The following HSPH1 variants were observed in gnomAD, a reference collection of about 807,000 sequenced individuals.
The protein encoded by HSPH1 is heat shock protein family H (Hsp110) member 1, also known as heat shock protein 105 kDa.
Under a neutral mutation model 100.0 loss-of-function variants are expected in HSPH1, and 40 were observed. The observed-to-expected ratio is 0.40, with a 90% CI of 0.31 to 0.52. The LOEUF (loss-of-function observed/expected upper bound fraction) is 0.52. HSPH1 is among the 20% of genes least tolerant of loss of function. The probability of loss-of-function intolerance (pLI) is 0.54; values close to 1 mark genes in which losing one functional copy is unlikely to be tolerated. For missense variants in HSPH1, 876 were observed against 1,015.1 expected, an observed-to-expected ratio of 0.86 and a Z score of 1.86; for synonymous variants, 403 against 344.0, an observed-to-expected ratio of 1.17 and a Z score of -1.90.
chr13:31,156,750 T>C (rs1157079128), intron 2 of HSPH1, among the ~76,000 whole-genome samples: 2 of 152,210 alleles, frequency 1.3e-5, no homozygotes, highest in Non-Finnish European at 2.9e-5. Context: ...TGACCTAATG[T>C]TTTCAACTGC....
chr13:31,158,657 G>T, intron 2 of HSPH1, 149 bp downstream of exon 2: 1 of 529,914 alleles, frequency 1.9e-6, no homozygotes, highest in Non-Finnish European at 3.5e-6. Flanking sequence ...GTCATCATCT[G>T]AAGGTTCATA....
chr13:31,141,020 G>T, intron 13 of HSPH1, 102 bp downstream of exon 13: 2 of 687,224 alleles, frequency 2.9e-6, no homozygotes, highest in African/African-American at 1.9e-5. Flanking sequence ...ATAAAACTTG[G>T]GATGAGAAAG....
chr13:31,150,829 C>G, intron 7 of HSPH1, 118 bp downstream of exon 7: 2 of 983,856 alleles, frequency 2.0e-6, no homozygotes, highest in Non-Finnish European at 3.0e-6. Flanking sequence ...CAGCCACAGG[C>G]ATGTAACACA....
intron 2 of HSPH1, 45 bp from the exon 3 acceptor site, chr13:31,155,699 C>T: frequency 6.7e-7 from 1 of 1,484,238 alleles, no homozygotes; most frequent in Admixed American, 1.9e-5. Flanking sequence ...TTTAATTTCA[C>T]CACCTACCAG....
intron 1 of HSPH1, 140 bp downstream of exon 1, chr13:31,161,336 C>T (rs1956901380): frequency 7.0e-7 from 1 of 1,434,352 alleles, no homozygotes; most frequent in Non-Finnish European, 9.3e-7. Context: ...GGTCGCTGGT[C>T]CCTAGTTCCA....
intron 1 of HSPH1, among the ~76,000 whole-genome samples, chr13:31,160,486 T>A (rs895165678): frequency 1.3e-5 from 2 of 152,250 alleles, no homozygotes; most frequent in African/African-American, 4.8e-5. Context: ...CTTGGGACAT[T>A]TGAAAAAAAT....
At chr13:31,148,292 G>T in intron 9 of HSPH1, 82 bp downstream of exon 9, 3 of 1,018,886 alleles carry the variant, frequency 2.9e-6, no homozygotes, top group Non-Finnish European at 4.5e-6. Context: ...GAAGTCATTT[G>T]TTAATGACTC....
At chr13:31,151,278 A>G (rs1956478771) in intron 6 of HSPH1, 87 bp from the exon 7 acceptor site, 1 of 1,023,298 alleles carries the variant, frequency 9.8e-7, no homozygotes, top group Non-Finnish European at 1.4e-6. Flanking sequence ...AAACAATGAA[A>G]GACTAAGAGA....
At chr13:31,141,433 T>C (rs989001885) in intron 12 of HSPH1, among the ~76,000 whole-genome samples, 174 bp from the exon 13 acceptor site, 1 of 152,100 alleles carries the variant, frequency 6.6e-6, no homozygotes, top group African/African-American at 2.4e-5. Flanking sequence ...TCAGGGCTGC[T>C]ATTAAATATG....
At chr13:31,141,793 C>CACAT (rs200339584) in intron 12 of HSPH1, among the ~76,000 whole-genome samples, 2 of 73,758 alleles carry the variant, frequency 2.7e-5, no homozygotes, top group South Asian at 4.4e-4. Flanking sequence ...ATACTCCATA[C>CACAT]ACATACATAC....
chr13:31,161,931 CT>C, upstream of HSPH1: 1 of 1,532,102 alleles, frequency 6.5e-7, no homozygotes, highest in Admixed American at 2.0e-5. Flanking sequence ...CTTCCTCAGC[CT>C]TATGTATCGC....
chr13:31,154,718 T>C lies in HSPH1; in HGVS notation c.344A>G (p.Glu115Gly). 1 of 1,613,792 alleles carries C rather than the reference T, an allele frequency of 6.2e-7. No individual in the cohort carries two copies. Among genetic ancestry groups the C allele is most frequent in the East Asian group, 2.2e-5 (1 of 44,854 alleles). The change falls in exon 4 of 18, where the codon GAG (glutamate) becomes GGG (glycine). Residue 115 changes from glutamate to glycine, a missense_variant. Glu to Gly is a moderately conservative substitution (Grantham distance 98). Transcript: ENST00000320027. ...YMGEEHLFSV[E>G]QITAMLLTKL... is the part of the protein sequence containing the mutation. ...AGTCAACAACATGGCTGTTATCTGC[T>C]CCACACTAAATAGATGTTCTTCACC...
rs150739259 is a variant in HSPH1, at chr13:31,150,055, G to A, written c.1036C>T (p.Arg346Ter). Reference sequence around the variant, plus strand: ...ATTCTTTCCTTCACAGCTGGAATTCGTGTAGCGCCTCCAACAATCTCAACT... The same window carrying A: ...ATTCTTTCCTTCACAGCTGGAATTCATGTAGCGCCTCCAACAATCTCAACT... ...SAVEIVGGAT[R>*]IPAVKERIAK... The change falls in exon 8 of 18, where the codon CGA becomes TGA. Residue 346 changes from arginine (R) to a stop codon, truncating the protein, a stop_gained. Coordinates refer to ENST00000320027, the MANE Select transcript of HSPH1 (RefSeq NM_006644.4). LOFTEE classifies it high-confidence loss of function. 1.2e-6 allele frequency: 2 copies of A among 1,613,760 alleles called. No individual in the cohort carries two copies. Among genetic ancestry groups the A allele is most frequent in the Non-Finnish European group, 1.7e-6 (2 of 1,179,796 alleles).
At chr13:31,158,333 G>A (rs186460251) in intron 2 of HSPH1, among the ~76,000 whole-genome samples, 1 of 151,986 alleles carries the variant, frequency 6.6e-6, no homozygotes, top group African/African-American at 2.4e-5. Flanking sequence ...GATGGATCAC[G>A]AGCTCAGGAG....
chr13:31,147,406 T>C (rs1217338728), intron 10 of HSPH1, among the ~76,000 whole-genome samples: 2 of 150,626 alleles, frequency 1.3e-5, no homozygotes, highest in African/African-American at 4.8e-5. Flanking sequence ...CCTAGCAATA[T>C]TGGCAAATTT....
intron 10 of HSPH1, among the ~76,000 whole-genome samples, chr13:31,147,747 A>G (rs1340275467): frequency 3.3e-5 from 5 of 152,114 alleles, no homozygotes; most frequent in Non-Finnish European, 7.4e-5. Context: ...CAAGTAACAG[A>G]ACTACCAAGT....
At chr13:31,144,117 T>C (rs1027319914) in intron 11 of HSPH1, among the ~76,000 whole-genome samples, 194 bp from the exon 12 acceptor site, 2 of 152,120 alleles carry the variant, frequency 1.3e-5, no homozygotes, top group Admixed American at 6.6e-5. Context: ...GTAAAAAAAT[T>C]CTTTGAATGA....
chr13:31,157,334 T>G (rs1179584249), intron 2 of HSPH1, among the ~76,000 whole-genome samples: 2 of 152,244 alleles, frequency 1.3e-5, no homozygotes, highest in Non-Finnish European at 2.9e-5. Context: ...TTGAACATAT[T>G]TTGAGTGTGC....
At chr13:31,138,684 T>C (rs1386850828) in intron 16 of HSPH1, 97 bp downstream of exon 16, 2 of 1,529,310 alleles carry the variant, frequency 1.3e-6, no homozygotes, top group Admixed American at 2.2e-5. Flanking sequence ...ATACCAAAAT[T>C]TCAAAGTTAA....
Sources: allele counts gnomAD v4.1 joint callset (sites outside exome capture counted in the v4.1 genomes callset), GRCh38; gene constraint gnomAD v4.1.1; transcripts MANE v1.5; gene names NCBI Gene and HGNC (gene_info 2026-07-23, HGNC 2026-07-21).